Variants in PRKAR1A observed in about 807,000 individuals in gnomAD.
PRKAR1A encodes the protein protein kinase cAMP-dependent type I regulatory subunit alpha.
Under a neutral mutation model 52.0 loss-of-function variants are expected in PRKAR1A, and 3 were observed. That is an observed-to-expected ratio of 0.06 (90% CI 0.03 to 0.15). PRKAR1A has a LOEUF of 0.15. Among genes scored for constraint, PRKAR1A ranks in the 10% least tolerant of loss-of-function variants. PRKAR1A has a pLI of 1.00. For synonymous variants in PRKAR1A, 188 were observed against 168.4 expected (o/e 1.12, Z -0.90); for missense variants, 240 against 477.4 (o/e 0.50, Z 4.63).
At chr17:68,461,702 C>T in the PRKAR1A span, among the ~76,000 whole-genome samples, 2 of 152,116 alleles carry the variant, frequency 1.3e-5, no homozygotes, top group East Asian at 3.9e-4. This position sits in a 1 kb window ranked among gnomAD's most constrained non-coding sequence, Gnocchi z 4.6. Context: ...TATGGTAGCC[C>T]TTTGAGAAAG....
At position 68,524,964 on chromosome 17, in the gene PRKAR1A, A is replaced by G. The variant is rs780068318; in HGVS notation, c.549+6A>G. 6.3e-7 allele frequency: 1 copy of G among 1,598,984 alleles called. No individual in the cohort carries two copies. The highest frequency in any genetic ancestry group is 8.6e-7 in the Non-Finnish European group (1 of 1,166,434). ...TTGATCAAGGAGAGACGGATGTAAG[A>G]TTTACCAATATCAAAAATATGTTGA... On this transcript the variant is annotated splice_donor_region_variant and intron_variant, in intron 6 of 10. Transcript: ENST00000589228.
At chr17:68,495,124 C>A in the PRKAR1A span, among the ~76,000 whole-genome samples, 1 of 152,044 alleles carries the variant, frequency 6.6e-6, no homozygotes, top group African/African-American at 2.4e-5. Context: ...ACTCCTGAGC[C>A]CAAGAGGTCC....
the PRKAR1A span, among the ~76,000 whole-genome samples, chr17:68,483,142 G>A: frequency 6.7e-6 from 1 of 150,006 alleles, no homozygotes; most frequent in Non-Finnish European, 1.5e-5. Context: ...TGTCTATGAT[G>A]TGCATGGACC....
chr17:68,433,760 GTTTTTTTTTTTTTTTTTTTTTTT>G, the PRKAR1A span, among the ~76,000 whole-genome samples: 2 of 72,814 alleles, frequency 2.7e-5, no homozygotes, highest in East Asian at 6.0e-4. Flanking sequence ...AAGGGTCATA[GTTTTTTTTTTTTTTTTTTTTTTT>G]TTTTTTTTTT....
chr17:68,536,833 C>T (rs149978140), downstream of PRKAR1A: 7 of 454,096 alleles, frequency 1.5e-5, no homozygotes, highest in African/African-American at 1.0e-4. Context: ...AATTGGAACA[C>T]TCCTTTTCTG....
the PRKAR1A span, among the ~76,000 whole-genome samples, chr17:68,449,854 C>A: frequency 6.6e-6 from 1 of 151,920 alleles, no homozygotes; most frequent in Non-Finnish European, 1.5e-5. Context: ...TAAAAAAATA[C>A]AGAAAAATTA....
intron 11 of PRKAR1A, among the ~76,000 whole-genome samples, chr17:68,548,721 G>GTT (rs1568732995): frequency 1.1e-4 from 14 of 132,896 alleles, no homozygotes; most frequent in South Asian, 4.9e-4. Context: ...AGCTATGCCT[G>GTT]TATATTTTTT....
chr17:68,510,829 A>T (rs183208584), upstream of PRKAR1A, among the ~76,000 whole-genome samples: 1 of 152,288 alleles, frequency 6.6e-6, no homozygotes, highest in African/African-American at 2.4e-5. Context: ...TCCCTATCAG[A>T]AGGCAGTGAA....
At chr17:68,489,854 C>T in the PRKAR1A span, among the ~76,000 whole-genome samples, 2 of 152,138 alleles carry the variant, frequency 1.3e-5, no homozygotes, top group South Asian at 4.1e-4. Context: ...CCACGCCTGG[C>T]TGGAGAGTAT....
At chr17:68,511,276 T>C (rs2085260487), upstream of PRKAR1A, among the ~76,000 whole-genome samples, 4 of 152,194 alleles carry the variant, frequency 2.6e-5, no homozygotes, top group South Asian at 8.3e-4. Context: ...AAGCAGCCCC[T>C]AGCCAGACAC....
chr17:68,453,574 G>T, the PRKAR1A span, among the ~76,000 whole-genome samples: 1 of 151,472 alleles, frequency 6.6e-6, no homozygotes, highest in Non-Finnish European at 1.5e-5. Context: ...CGCCTCCTGG[G>T]TTCAAGCAAT....
At chr17:68,515,846 T>C (rs2085415648) in intron 2 of PRKAR1A, 1 of 451,778 alleles carries the variant, frequency 2.2e-6, no homozygotes. Context: ...TTTAAATTAG[T>C]GCGTAGAACT....
At chr17:68,509,225 G>T (rs1015544509), upstream of PRKAR1A, among the ~76,000 whole-genome samples, 3 of 152,190 alleles carry the variant, frequency 2.0e-5, no homozygotes, top group African/African-American at 7.2e-5. Context: ...CTTGCTGTGT[G>T]GCCAGGGCTG....
chr17:68,430,013 G>A, the PRKAR1A span: 1 of 1,614,178 alleles, frequency 6.2e-7, no homozygotes, highest in East Asian at 2.2e-5. Flanking sequence ...GGGTACAGAT[G>A]TTCCTCTGTC....
chr17:68,537,161 T>C (rs1450346777), downstream of PRKAR1A: 1 of 539,012 alleles, frequency 1.9e-6, no homozygotes, highest in East Asian at 4.8e-5. The surrounding 1 kb of genome is among the most constrained non-coding windows in gnomAD (Gnocchi z 4.2). Context: ...TTACCATTAG[T>C]ACTCTCCTGG....
chr17:68,430,120 T>G, the PRKAR1A span: 1 of 1,614,076 alleles, frequency 6.2e-7, no homozygotes, highest in East Asian at 2.2e-5. Context: ...ATAAACATCT[T>G]TCCCATGTAG....
At chr17:68,420,375 A>G in the PRKAR1A span, 4 of 1,614,200 alleles carry the variant, frequency 2.5e-6, no homozygotes, top group Non-Finnish European at 3.4e-6. Flanking sequence ...GCCAACGACA[A>G]CATCTCCAGC....
chr17:68,518,074 G>A (rs1240987258), intron 2 of PRKAR1A, among the ~76,000 whole-genome samples: 2 of 152,242 alleles, frequency 1.3e-5, no homozygotes, highest in African/African-American at 4.8e-5. Flanking sequence ...CAAGAGGTGG[G>A]CTCCCGTGGC....
chr17:68,452,193 G>A, the PRKAR1A span, among the ~76,000 whole-genome samples: 1 of 152,168 alleles, frequency 6.6e-6, no homozygotes, highest in Non-Finnish European at 1.5e-5. Context: ...ATAGGATACC[G>A]TTGCCTTCTT....
Sources: gnomAD v4.1 joint callset for allele counts (sites outside exome capture counted in the v4.1 genomes callset) on GRCh38, gnomAD v4.1.1 for gene constraint, Gnocchi (gnomAD v3.1) non-coding constraint, MANE v1.5 for transcripts, NCBI Gene and HGNC (gene_info 2026-07-23, HGNC 2026-07-21) for gene names.